The following CAPN6 variants were observed in gnomAD, a reference collection of about 807,000 sequenced individuals.
The protein encoded by CAPN6 is calpain-6.
In CAPN6, 16 loss-of-function variants were observed where a neutral mutation model predicts 46.0. The observed-to-expected ratio is 0.35, with a 90% confidence interval of 0.24 to 0.53. The LOEUF (loss-of-function observed/expected upper bound fraction) is 0.53. Ranked by LOEUF, CAPN6 falls within the 20% of genes least tolerant of loss-of-function variation. The pLI, the probability that CAPN6 is intolerant of heterozygous loss-of-function variation, is 0.94. For synonymous variants in CAPN6, 206 were observed against 172.8 expected, an observed-to-expected ratio of 1.19 and a Z score of -1.51; for missense variants, 461 against 498.0, an observed-to-expected ratio of 0.93 and a Z score of 0.71.
In CAPN6 at chrX:111,262,198, G is replaced by A. The variant is rs761027977; in HGVS notation, c.165+1574C>T. Among the ~76,000 whole-genome samples the A allele has an allele frequency of 3.6e-5, 4 of 112,360 alleles. No homozygotes were observed. In the South Asian group the frequency reaches 1.1e-3, roughly 31 times the overall value. On this transcript the variant is annotated intron_variant, in intron 2 of 12. Coordinates refer to ENST00000324068, the MANE Select transcript of CAPN6 (RefSeq NM_014289.4). Reference sequence around the variant, plus strand: ...GGTCAGCTAAGTGATCCGCTGGAATGTCAATAACTGCAGACACAGAAAGGC... The same window carrying A: ...GGTCAGCTAAGTGATCCGCTGGAATATCAATAACTGCAGACACAGAAAGGC...
chrX:111,246,304 C>G lies in CAPN6; in HGVS notation c.*273G>C. 3.1e-6 allele frequency: 1 copy of G among 324,722 alleles called. No homozygotes were observed. The highest frequency in any genetic ancestry group is 5.4e-6 in the Non-Finnish European group (1 of 186,465). 26.8% of individuals were successfully genotyped at this position (324,722 alleles called of 1,213,427 possible). A position where few individuals can be genotyped will look rare whatever the true frequency, so the allele number is the denominator to read the frequency against. On this transcript the variant is annotated 3_prime_UTR_variant, in exon 13 of 13. Transcript: ENST00000324068. The stretch of plus-strand genomic sequence containing the variant: ...TTGTTATTGTCCTACTTGAATCTCA[C>G]CCCCGGAAGCCCCAGAGATCCTTTC...
At position 111,252,516 on chromosome X, in the gene CAPN6, A is replaced by G; in HGVS notation, c.507-17T>C. 1 of 1,158,871 alleles carries G rather than the reference A, an allele frequency of 8.6e-7. No homozygotes were observed. Among genetic ancestry groups the G allele is most frequent in the Admixed American group, 2.5e-5 (1 of 40,460 alleles). On this transcript the variant is annotated splice_polypyrimidine_tract_variant and intron_variant, in intron 4 of 12. Coordinates refer to ENST00000324068, the MANE Select transcript of CAPN6 (RefSeq NM_014289.4). ...CCTAGCAGCCTGAGGGCAAGTATGC[A>G]AGGTTATCTTTGTAAAATTGTTTTT...
rs2094973782 is a variant in CAPN6 at position 111,245,652 on chromosome X, C to T, written c.*925G>A. The stretch of plus-strand genomic sequence containing the variant: ...TCACATTGCAGTCAGGGGCCCCAAA[C>T]TGGCTGTAATATGTCTGGATGAATT... On this transcript the variant is annotated 3_prime_UTR_variant, in exon 13 of 13. Transcript: ENST00000324068. The T allele has an allele frequency of 8.9e-6, 1 of 112,601 alleles. No individual in the cohort carries two copies. The highest frequency in any genetic ancestry group is 3.2e-5 in the African/African-American group (1 of 30,924). 9.3% of individuals were successfully genotyped at this position (112,601 alleles called of 1,213,427 possible).
In CAPN6 at chrX:111,247,500, T is replaced by C. The variant is rs760173692; in HGVS notation, c.1611A>G (p.Val537=). The C allele has an allele frequency of 4.2e-6, 5 of 1,202,615 alleles. No homozygotes were observed. The highest frequency in any genetic ancestry group is 5.6e-6 in the Non-Finnish European group (5 of 891,701). The part of the protein sequence containing the change: ...DLEKKYANET[V]NPYLVIKCGK... ...CACATTTGATGACCAAATATGGGTTTACAGCTGGAACAAAGTGACATATGT... is the reference window on the plus strand; with the variant it reads ...CACATTTGATGACCAAATATGGGTTCACAGCTGGAACAAAGTGACATATGT... Residue 537 remains valine (V), a synonymous_variant, in exon 12 of 13, where the codon GTA becomes GTG. Transcript: ENST00000324068.
intron 1 of CAPN6, 29 bp downstream of exon 1, chrX:111,270,342 G>GT (rs1251508440): frequency 9.7e-6 from 3 of 309,272 alleles, no homozygotes; most frequent in African/African-American, 7.6e-5. Flanking sequence ...AAACTCCAGG[G>GT]TAAGTTTGCG....
intron 1 of CAPN6, among the ~76,000 whole-genome samples, chrX:111,265,114 T>C (rs1185626688): frequency 1.8e-4 from 20 of 112,155 alleles, no homozygotes; most frequent in African/African-American, 6.5e-4. Context: ...GGAGAATACG[T>C]TAGCACTTTA....
In CAPN6 at chrX:111,251,601, G is replaced by C; in HGVS notation, c.841C>G (p.Arg281Gly). ...VFSAEKVYMV[R>G]LRNPLGRQEW... ...TGTCTTCCCAAGGGGTTTCTCAGGC[G>C]AACCATATACACCTTCTCAGCACTG... Residue 281 changes from arginine to glycine, a missense_variant, in exon 6 of 13, where the codon CGC (arginine) becomes GGC (glycine). By Grantham distance (125) the Arg-to-Gly change is moderately radical. Coordinates refer to ENST00000324068, the MANE Select transcript of CAPN6 (RefSeq NM_014289.4). The C allele has an allele frequency of 8.3e-7, 1 of 1,209,920 alleles. No homozygotes were observed. Among genetic ancestry groups the C allele is most frequent in the Non-Finnish European group, 1.1e-6 (1 of 894,050 alleles).
In CAPN6 at chrX:111,245,314, G is replaced by C. The variant is rs1879943260; in HGVS notation, c.*1263C>G. On this transcript the variant is annotated 3_prime_UTR_variant, in exon 13 of 13. Transcript: ENST00000324068. ...TTGTTGAAGGTGGGGGTTTGGGGTG[G>C]AATTAGGGAAGGCTTCATGGAGGAG... 1 of 111,631 alleles carries C rather than the reference G, an allele frequency of 9.0e-6. No homozygotes were observed. Among genetic ancestry groups the C allele is most frequent in the East Asian group, 2.8e-4 (1 of 3,554 alleles). 9.2% of individuals were successfully genotyped at this position (111,631 alleles called of 1,213,427 possible).
intron 2 of CAPN6, 31 bp from the exon 3 acceptor site, chrX:111,254,434 T>C: frequency 9.0e-7 from 1 of 1,116,777 alleles, no homozygotes. Flanking sequence ...TATATGAGAG[T>C]CTGGGAAGAG....
intron 3 of CAPN6, among the ~76,000 whole-genome samples, chrX:111,253,903 T>C (rs927428172): frequency 3.6e-5 from 4 of 112,058 alleles, no homozygotes; most frequent in African/African-American, 6.5e-5. Flanking sequence ...TATTAATATG[T>C]ATTATTGACT....
chrX:111,248,525 A>G (rs1481880796), intron 10 of CAPN6, 44 bp downstream of exon 10: 1 of 1,027,533 alleles, frequency 9.7e-7, no homozygotes, highest in African/African-American at 1.9e-5. Context: ...GATTGGAAGT[A>G]AAGCAAAGAA....
At chrX:111,263,409 T>C (rs747639494) in intron 2 of CAPN6, among the ~76,000 whole-genome samples, 17 of 111,748 alleles carry the variant, frequency 1.5e-4, no homozygotes, top group Non-Finnish European at 2.6e-4. Flanking sequence ...TGTTGTTTTT[T>C]CTAAGTAAAT....
chrX:111,247,290 A>G (rs2094975293), intron 12 of CAPN6, 78 bp downstream of exon 12: 2 of 880,618 alleles, frequency 2.3e-6, no homozygotes, highest in Admixed American at 6.4e-5. Flanking sequence ...CATCCTAAAC[A>G]TATATAAGGT....
chrX:111,264,480 G>A (rs951913999), intron 1 of CAPN6, among the ~76,000 whole-genome samples: 1 of 111,733 alleles, frequency 8.9e-6, no homozygotes, highest in African/African-American at 3.3e-5. Flanking sequence ...GTCATTTAAA[G>A]AGCTTTGCAT....
At chrX:111,266,482 C>T in intron 1 of CAPN6, among the ~76,000 whole-genome samples, 1 of 112,024 alleles carries the variant, frequency 8.9e-6, no homozygotes, top group Non-Finnish European at 1.9e-5. Flanking sequence ...CATTGCCTAG[C>T]ATTGAGCTGG....
At chrX:111,253,571 T>C (rs1258957813) in intron 3 of CAPN6, among the ~76,000 whole-genome samples, 1 of 112,692 alleles carries the variant, frequency 8.9e-6, no homozygotes, top group Non-Finnish European at 1.9e-5. Flanking sequence ...ATGCAAGGCA[T>C]TCTAAAGAGC....
At chrX:111,254,673 C>T (rs749023915) in intron 2 of CAPN6, among the ~76,000 whole-genome samples, 177 of 111,024 alleles carry the variant, frequency 1.6e-3, no homozygotes, top group Non-Finnish European at 2.8e-3. Flanking sequence ...GGTGAGGGCT[C>T]TTAGACATAG....
chrX:111,251,916 T>A (rs1251263399), intron 5 of CAPN6, among the ~76,000 whole-genome samples, 174 bp from the exon 6 acceptor site: 1 of 112,145 alleles, frequency 8.9e-6, no homozygotes, highest in Non-Finnish European at 1.9e-5. Flanking sequence ...AAATAAAGAA[T>A]GTAATATAAC....
chrX:111,260,902 C>T (rs185040611), intron 2 of CAPN6, among the ~76,000 whole-genome samples: 1 of 112,857 alleles, frequency 8.9e-6, no homozygotes, highest in East Asian at 2.8e-4. Flanking sequence ...CAATATCCAT[C>T]TCCCCAACTA....
Sources: allele counts gnomAD v4.1 joint callset (sites outside exome capture counted in the v4.1 genomes callset), GRCh38; gene constraint gnomAD v4.1.1; transcripts MANE v1.5; gene names NCBI Gene and HGNC (gene_info 2026-07-23, HGNC 2026-07-21).